WDFY3: variants seen among roughly 807,000 people sequenced by gnomAD.
WDFY3 encodes the protein WD repeat and FYVE domain containing 3.
Under a neutral mutation model 409.6 loss-of-function variants are expected in WDFY3, and 66 were observed. The ratio of observed to expected loss-of-function variants is 0.16; its 90% CI spans 0.13 to 0.20. The LOEUF (loss-of-function observed/expected upper bound fraction) is 0.20. Ranked by LOEUF, WDFY3 falls within the 10% of genes least tolerant of loss-of-function variation. The pLI, the probability that WDFY3 is intolerant of heterozygous loss-of-function variation, is 1.00. For missense variants in WDFY3, 3,031 were observed against 4,298.1 expected, an observed-to-expected ratio of 0.71 and a Z score of 8.24; for synonymous variants, 1,521 against 1,537.1, an observed-to-expected ratio of 0.99 and a Z score of 0.25.
intron 3 of WDFY3, among the ~76,000 whole-genome samples, chr4:84,890,167 A>G (rs938647447): frequency 6.6e-6 from 1 of 152,010 alleles, no homozygotes; most frequent in African/African-American, 2.4e-5. Flanking sequence ...TGGCACGACC[A>G]TGGCTCACTT....
At chr4:84,929,176 G>C (rs1329497834) in intron 2 of WDFY3, among the ~76,000 whole-genome samples, 1 of 152,180 alleles carries the variant, frequency 6.6e-6, no homozygotes, top group East Asian at 1.9e-4. Context: ...ACTGAAATTA[G>C]CTTCTCAAAA....
At chr4:84,946,532 TG>T (rs988688601) in intron 1 of WDFY3, among the ~76,000 whole-genome samples, 21 of 152,100 alleles carry the variant, frequency 1.4e-4, no homozygotes, top group African/African-American at 4.8e-4. Flanking sequence ...TTTCTCCCAC[TG>T]GAAAAACTGC....
In WDFY3 at chr4:84,721,456, TCTC is replaced by T; in HGVS notation, c.7555_7557del (p.Glu2519del). ...CGCAGTAAGGTAGCATTATCTGTTT[TCTC>T]CTCCTCTTCTATGGAGCTGCCCTCA... On this transcript the variant is annotated inframe_deletion, in exon 47 of 68. Transcript: ENST00000295888. The T allele has an allele frequency of 6.2e-7, 1 of 1,613,750 alleles. No individual in the cohort carries two copies. Among genetic ancestry groups the T allele is most frequent in the Non-Finnish European group, 8.5e-7 (1 of 1,180,048 alleles).
intron 32 of WDFY3, 117 bp downstream of exon 32, chr4:84,765,693 T>C: frequency 1.3e-6 from 1 of 792,322 alleles, no homozygotes. Flanking sequence ...TATCATTAAT[T>C]AAAATTAATA....
At chr4:84,840,487 T>G (rs1156868844) in intron 6 of WDFY3, among the ~76,000 whole-genome samples, 1 of 152,238 alleles carries the variant, frequency 6.6e-6, no homozygotes, top group Non-Finnish European at 1.5e-5. Context: ...ACAAAAGTGC[T>G]GGCCTGGGCC....
chr4:84,685,016 T>A (rs1489349228), intron 62 of WDFY3, among the ~76,000 whole-genome samples: 1 of 152,212 alleles, frequency 6.6e-6, no homozygotes, highest in Admixed American at 6.5e-5. Context: ...TTAAGTAACT[T>A]ATTTATCATC....
chr4:84,880,228 G>C (rs1040272826), intron 3 of WDFY3, among the ~76,000 whole-genome samples: 3 of 152,102 alleles, frequency 2.0e-5, no homozygotes, highest in Non-Finnish European at 4.4e-5. Flanking sequence ...TTCTCCCCTA[G>C]AGCGTCCAGA....
At position 84,672,860 on chromosome 4, in the gene WDFY3, T is replaced by C. The variant is rs751442705; in HGVS notation, c.*8A>G. ...CAGACCATGGTCTCCACTCAGCTTG[T>C]TGAATCTTCAACAATTTCGAGGCCC... On this transcript the variant is annotated 3_prime_UTR_variant, in exon 68 of 68. Transcript: ENST00000295888. 1.2e-6 allele frequency: 2 copies of C among 1,614,030 alleles called. No individual in the cohort carries two copies. Among genetic ancestry groups the C allele is most frequent in the South Asian group, 1.1e-5 (1 of 91,058 alleles).
chr4:84,700,553 T>C (rs1730912913), intron 56 of WDFY3, among the ~76,000 whole-genome samples: 1 of 152,232 alleles, frequency 6.6e-6, no homozygotes, highest in Non-Finnish European at 1.5e-5. Flanking sequence ...AGATAATTTG[T>C]TATGAGGGTG....
chr4:84,811,402 C>A (rs1560821614), intron 13 of WDFY3, among the ~76,000 whole-genome samples: 1 of 152,200 alleles, frequency 6.6e-6, no homozygotes, highest in Non-Finnish European at 1.5e-5. Context: ...CTTATTTAAT[C>A]CTTTCAACAA....
intron 1 of WDFY3, among the ~76,000 whole-genome samples, chr4:84,959,189 T>C (rs1241932748): frequency 3.9e-5 from 6 of 152,168 alleles, no homozygotes; most frequent in African/African-American, 1.4e-4. Context: ...CTGTCAGAGA[T>C]GTGACTGGAG....
chr4:84,817,699 A>G, intron 12 of WDFY3, 114 bp from the exon 13 acceptor site: 1 of 969,560 alleles, frequency 1.0e-6, no homozygotes, highest in Non-Finnish European at 1.5e-6. Flanking sequence ...AATAATGTAA[A>G]TAAAACCTAC....
intron 62 of WDFY3, among the ~76,000 whole-genome samples, chr4:84,685,324 C>T (rs537503315): frequency 1.3e-5 from 2 of 152,310 alleles, no homozygotes; most frequent in Admixed American, 1.3e-4. Flanking sequence ...GTCTGTGCTG[C>T]ACCGTCTGTG....
At chr4:84,912,929 AC>A (rs1767988084) in intron 2 of WDFY3, among the ~76,000 whole-genome samples, 1 of 152,244 alleles carries the variant, frequency 6.6e-6, no homozygotes, top group African/African-American at 2.4e-5. Context: ...GAAAAGGTAA[AC>A]ACCAAATGCC....
At chr4:84,834,609 C>A (rs1175157429) in intron 7 of WDFY3, among the ~76,000 whole-genome samples, 1 of 152,116 alleles carries the variant, frequency 6.6e-6, no homozygotes, top group African/African-American at 2.4e-5. Flanking sequence ...CAAGATCGCA[C>A]CACCGCACTC....
intron 1 of WDFY3, among the ~76,000 whole-genome samples, chr4:84,936,236 T>C (rs1453532411): frequency 6.6e-6 from 1 of 152,070 alleles, no homozygotes; most frequent in Non-Finnish European, 1.5e-5. Context: ...ATCATACTCT[T>C]TGGGTGGGGA....
At chr4:84,744,163 A>G (rs945345514) in intron 36 of WDFY3, among the ~76,000 whole-genome samples, 2 of 149,270 alleles carry the variant, frequency 1.3e-5, no homozygotes, top group Admixed American at 6.7e-5. Flanking sequence ...ATAACAGTTT[A>G]TAACAATATA....
intron 37 of WDFY3, among the ~76,000 whole-genome samples, chr4:84,742,765 C>T (rs901460582): frequency 6.6e-6 from 1 of 152,192 alleles, no homozygotes; most frequent in African/African-American, 2.4e-5. Context: ...CATCGCAAAA[C>T]CGTAATCCCC....
intron 8 of WDFY3, among the ~76,000 whole-genome samples, chr4:84,829,850 T>TAAATAAATAAATAAA (rs1553975927): frequency 6.7e-6 from 1 of 150,296 alleles, no homozygotes; most frequent in Non-Finnish European, 1.5e-5. Context: ...AATAAATAAA[T>TAAATAAATAAATAAA]TAGAGAGACT....
Sources: allele counts gnomAD v4.1 joint callset (sites outside exome capture counted in the v4.1 genomes callset), GRCh38; gene constraint gnomAD v4.1.1; transcripts MANE v1.5; gene names NCBI Gene and HGNC (gene_info 2026-07-23, HGNC 2026-07-21).